EXOC6B: variants seen among roughly 807,000 people sequenced by gnomAD.
EXOC6B encodes exocyst complex component 6B, also known as SEC15 homolog B.
Under a neutral mutation model 113.5 loss-of-function variants are expected in EXOC6B, and 54 were observed. The ratio of observed to expected loss-of-function variants is 0.48; its 90% CI spans 0.38 to 0.60. EXOC6B has a LOEUF of 0.60. EXOC6B is among the 20% of genes least tolerant of loss of function. The probability of loss-of-function intolerance (pLI) is 0.00; values close to 1 mark genes in which losing one functional copy is unlikely to be tolerated. For synonymous variants in EXOC6B, 357 were observed against 339.0 expected (o/e 1.05, Z -0.58); for missense variants, 797 against 977.5 (o/e 0.82, Z 2.46).
chr2:72,796,928 T>C (rs1573812301), intron 1 of EXOC6B, among the ~76,000 whole-genome samples: 3 of 152,352 alleles, frequency 2.0e-5, no homozygotes, highest in African/African-American at 7.2e-5. Context: ...GGGAATAAGA[T>C]TGTATTACAA....
chr2:72,552,387 T>A (rs1703289102), intron 8 of EXOC6B, among the ~76,000 whole-genome samples: 1 of 151,536 alleles, frequency 6.6e-6, no homozygotes, highest in Non-Finnish European at 1.5e-5. Context: ...AAGAAAGGAG[T>A]CAGTGTGTGG....
At chr2:72,723,560 T>A (rs1680131993) in intron 5 of EXOC6B, among the ~76,000 whole-genome samples, 1 of 152,106 alleles carries the variant, frequency 6.6e-6, no homozygotes, top group African/African-American at 2.4e-5. Context: ...TTTTTTAAAA[T>A]TCAGAGTATG....
chr2:72,451,654 C>CTCTGTGTG (rs1696925689), intron 18 of EXOC6B, among the ~76,000 whole-genome samples: 1 of 142,496 alleles, frequency 7.0e-6, no homozygotes, highest in African/African-American at 2.6e-5. Flanking sequence ...GTCTTTGTGC[C>CTCTGTGTG]TGTGTGTGTG....
chr2:72,406,997 A>C (rs1693821695), intron 18 of EXOC6B, among the ~76,000 whole-genome samples: 2 of 152,122 alleles, frequency 1.3e-5, no homozygotes, highest in South Asian at 4.2e-4. Flanking sequence ...AAGAGAGAAG[A>C]ATCAAATAGA....
chr2:72,195,853 T>C (rs1349910972), intron 20 of EXOC6B, among the ~76,000 whole-genome samples: 2 of 152,236 alleles, frequency 1.3e-5, no homozygotes, highest in African/African-American at 4.8e-5. Context: ...ATTATTTGTA[T>C]TCATTATTAT....
intron 1 of EXOC6B, 45 bp from the exon 2 acceptor site, chr2:72,741,514 A>G (rs767025194): frequency 6.5e-7 from 1 of 1,538,312 alleles, no homozygotes; most frequent in Non-Finnish European, 8.7e-7. Context: ...GTTACTTCTA[A>G]GAAGGAAAAA....
chr2:72,341,466 G>A (rs1689029398), intron 19 of EXOC6B, among the ~76,000 whole-genome samples: 1 of 152,044 alleles, frequency 6.6e-6, no homozygotes, highest in Admixed American at 6.6e-5. Context: ...TAAAAGTATT[G>A]TCTTATATCA....
intron 6 of EXOC6B, among the ~76,000 whole-genome samples, chr2:72,664,835 G>A (rs1675277432): frequency 1.3e-5 from 2 of 152,234 alleles, no homozygotes; most frequent in African/African-American, 4.8e-5. Context: ...AGCCCTGCCT[G>A]AGTGCTTTCC....
chr2:72,794,233 C>G (rs1356989473), intron 1 of EXOC6B, among the ~76,000 whole-genome samples: 2 of 152,326 alleles, frequency 1.3e-5, no homozygotes, highest in African/African-American at 4.8e-5. Flanking sequence ...ACCACTGTTT[C>G]TCTAACTATG....
chr2:72,692,444 C>T (rs1210708732), intron 6 of EXOC6B, among the ~76,000 whole-genome samples: 2 of 151,462 alleles, frequency 1.3e-5, no homozygotes, highest in African/African-American at 2.4e-5. Flanking sequence ...CTCTGCCTCC[C>T]GGGTTCATGC....
intron 1 of EXOC6B, among the ~76,000 whole-genome samples, chr2:72,765,470 C>T (rs557376072): frequency 5.9e-5 from 9 of 152,012 alleles, no homozygotes; most frequent in Non-Finnish European, 1.3e-4. Context: ...GTCAGGAGTT[C>T]AAGACCAGCC....
Position 72,210,396 on chromosome 2 carries a change from G to T in EXOC6B, c.2197-26209C>A, listed in dbSNP as rs377096361. Among the ~76,000 whole-genome samples the T allele has an allele frequency of 1.9e-4, 29 of 152,208 alleles. No homozygotes were observed. In the South Asian group the frequency reaches 3.9e-3, roughly 21 times the overall value. Reference sequence around the variant, plus strand: ...AAATGAACACGTCAATGTGAAGTACGGTAGGGATCACCACAGAAAGTTTAG... The same window carrying T: ...AAATGAACACGTCAATGTGAAGTACTGTAGGGATCACCACAGAAAGTTTAG... On this transcript the variant is annotated intron_variant, in intron 20 of 21. Transcript: ENST00000272427.
chr2:72,263,236 T>A (rs1683849779), intron 20 of EXOC6B: 1 of 152,240 alleles, frequency 6.6e-6, no homozygotes, highest in African/African-American at 2.4e-5. Context: ...GGTCTGCATG[T>A]TTCTGTATGG....
At chr2:72,421,036 T>A (rs192268815) in intron 18 of EXOC6B, among the ~76,000 whole-genome samples, 3 of 152,358 alleles carry the variant, frequency 2.0e-5, no homozygotes, top group Admixed American at 6.5e-5. Context: ...AAATGTCTTC[T>A]TTTGAGAAGT....
intron 1 of EXOC6B, among the ~76,000 whole-genome samples, chr2:72,792,585 C>T (rs1031699497): frequency 2.6e-5 from 4 of 152,120 alleles, no homozygotes; most frequent in African/African-American, 9.7e-5. Flanking sequence ...GAAAATAGTA[C>T]ACTTAGTGTT....
intron 1 of EXOC6B, among the ~76,000 whole-genome samples, chr2:72,765,444 G>A (rs1683002554): frequency 6.6e-6 from 1 of 152,160 alleles, no homozygotes; most frequent in Non-Finnish European, 1.5e-5. Flanking sequence ...AGGCTGAGGT[G>A]GGTGGATCAG....
intron 20 of EXOC6B, among the ~76,000 whole-genome samples, chr2:72,281,484 TGAAAAAAA>T (rs1685128740): frequency 1.3e-5 from 2 of 151,970 alleles, no homozygotes; most frequent in Admixed American, 6.5e-5. Flanking sequence ...ATTCTAGCTC[TGAAAAAAA>T]GAATAGTTAA....
intron 6 of EXOC6B, among the ~76,000 whole-genome samples, chr2:72,675,162 A>T (rs1010731641): frequency 1.3e-5 from 2 of 152,226 alleles, no homozygotes; most frequent in East Asian, 1.9e-4. Context: ...GATAAATGCT[A>T]TATGATCAAG....
chr2:72,424,526 A>G (rs1283960314), intron 18 of EXOC6B, among the ~76,000 whole-genome samples: 1 of 152,198 alleles, frequency 6.6e-6, no homozygotes, highest in Non-Finnish European at 1.5e-5. Context: ...GCTCTTAAAT[A>G]CATTAAGTTG....
Sources: gnomAD v4.1 joint callset for allele counts (sites outside exome capture counted in the v4.1 genomes callset) on GRCh38, gnomAD v4.1.1 for gene constraint, MANE v1.5 for transcripts, NCBI Gene and HGNC (gene_info 2026-07-23, HGNC 2026-07-21) for gene names.